Variants in CAMSAP1 observed in about 807,000 individuals in gnomAD.
CAMSAP1 encodes the protein calmodulin regulated spectrin associated protein 1, also known as calmodulin-regulated spectrin-associated protein 1.
A neutral mutation model predicts 143.5 loss-of-function variants in CAMSAP1; 58 were observed. The observed-to-expected ratio is 0.40, with a 90% confidence interval of 0.33 to 0.50. CAMSAP1 has a LOEUF of 0.50. Ranked by LOEUF, CAMSAP1 falls within the 20% of genes least tolerant of loss-of-function variation. The pLI is 0.45. For missense variants in CAMSAP1, 1,969 were observed against 2,115.7 expected, an observed-to-expected ratio of 0.93 and a Z score of 1.36; for synonymous variants, 945 against 859.3, an observed-to-expected ratio of 1.10 and a Z score of -1.74.
At chr9:135,878,456 A>G (rs183623783) in intron 3 of CAMSAP1, among the ~76,000 whole-genome samples, 161 of 152,350 alleles carry the variant, frequency 1.1e-3, no homozygotes, top group African/African-American at 3.5e-3. Context: ...CACAGCAGGC[A>G]TCTTGGAAAC....
chr9:135,891,645 A>G (rs745621906), intron 1 of CAMSAP1, among the ~76,000 whole-genome samples: 2 of 152,286 alleles, frequency 1.3e-5, no homozygotes, highest in East Asian at 1.9e-4. Context: ...ACAGAGCCCA[A>G]TGTTCACAGA....
chr9:135,812,830 G>A (rs1469120143), intron 16 of CAMSAP1, among the ~76,000 whole-genome samples: 2 of 152,078 alleles, frequency 1.3e-5, no homozygotes, highest in Non-Finnish European at 2.9e-5. Context: ...TTAGCCAGGC[G>A]TGGTGGCACA....
chr9:135,831,936 A>T (rs1357756906), intron 7 of CAMSAP1, among the ~76,000 whole-genome samples: 2 of 152,222 alleles, frequency 1.3e-5, no homozygotes, highest in African/African-American at 4.8e-5. Context: ...ATAAATAAAG[A>T]GATTGAAGCA....
Position 135,809,273 on chromosome 9 carries a change from T to C in CAMSAP1, c.*2036A>G, listed in dbSNP as rs1487107614. 6.6e-6 allele frequency: 1 copy of C among 152,226 alleles called. No individual in the cohort carries two copies. The highest frequency in any genetic ancestry group is 2.4e-5 in the African/African-American group (1 of 41,464). The allele number at this position is 152,226 out of a possible 1,614,324, so 9.4% of individuals were successfully genotyped here. On this transcript the variant is annotated 3_prime_UTR_variant, in exon 17 of 17. Coordinates refer to ENST00000389532, the MANE Select transcript of CAMSAP1 (RefSeq NM_015447.4). ...GCCTGGGGACTTGGGACATCAGGAATGTCCATGCCACATTAGTGCTTACTC... is the reference window on the plus strand; with the variant it reads ...GCCTGGGGACTTGGGACATCAGGAACGTCCATGCCACATTAGTGCTTACTC...
chr9:135,881,496 T>C, intron 3 of CAMSAP1, 137 bp downstream of exon 3: 4 of 1,020,570 alleles, frequency 3.9e-6, no homozygotes, highest in Middle Eastern at 3.2e-4. Flanking sequence ...AGCAGACACA[T>C]TTCTGGACAC....
At chr9:135,858,819 G>C (rs1468959027) in intron 5 of CAMSAP1, among the ~76,000 whole-genome samples, 11 of 152,214 alleles carry the variant, frequency 7.2e-5, no homozygotes, top group Non-Finnish European at 2.9e-5. Flanking sequence ...AAGTCCCAGA[G>C]TCTAAAACCC....
chr9:135,851,681 C>T (rs1018435192), intron 5 of CAMSAP1, among the ~76,000 whole-genome samples: 11 of 152,214 alleles, frequency 7.2e-5, no homozygotes, highest in Non-Finnish European at 1.6e-4. Context: ...TGGTATCAAG[C>T]TATGCCTCAT....
At chr9:135,816,646 C>T (rs955454756) in intron 14 of CAMSAP1, among the ~76,000 whole-genome samples, 1 of 152,138 alleles carries the variant, frequency 6.6e-6, no homozygotes, top group African/African-American at 2.4e-5. Context: ...ATCTGCAGTC[C>T]CTCGGAGGGA....
intron 3 of CAMSAP1, among the ~76,000 whole-genome samples, chr9:135,879,669 A>G (rs1465780220): frequency 6.6e-6 from 1 of 152,080 alleles, no homozygotes; most frequent in Non-Finnish European, 1.5e-5. Context: ...ATTTGGCCAA[A>G]AAAAAACAAG....
At chr9:135,881,543 A>C (rs980138107) in intron 3 of CAMSAP1, 90 bp downstream of exon 3, 2 of 1,410,830 alleles carry the variant, frequency 1.4e-6, no homozygotes, top group Non-Finnish European at 1.9e-6. Context: ...GCTGGGTCTC[A>C]GCGTGACAGA....
chr9:135,867,575 C>T (rs1030427610), intron 3 of CAMSAP1, among the ~76,000 whole-genome samples: 2 of 151,224 alleles, frequency 1.3e-5, no homozygotes, highest in African/African-American at 4.9e-5. Flanking sequence ...GGAGGAAAGT[C>T]GAAGCCACTA....
At chr9:135,904,618 C>T (rs1020354167) in intron 1 of CAMSAP1, among the ~76,000 whole-genome samples, 4 of 151,824 alleles carry the variant, frequency 2.6e-5, no homozygotes, top group South Asian at 4.1e-4. Context: ...TTTGTAATTA[C>T]ATATGCTCCC....
chr9:135,823,240 GGT>G lies in CAMSAP1; in HGVS notation c.1419_1420del (p.Pro474PhefsTer10). 1 of 1,554,354 alleles carries G rather than the reference GGT, an allele frequency of 6.4e-7. No homozygotes were observed. The highest frequency in any genetic ancestry group is 8.7e-7 in the Non-Finnish European group (1 of 1,149,202). On this transcript the variant is annotated frameshift_variant, in exon 11 of 17. Transcript: ENST00000389532. LOFTEE classifies it high-confidence loss of function. ...ACTCGCAGCGTGATGTAGAGCAAAA[GGT>G]GTTGGCTGGGACGCAGGCCTGAAAC...
chr9:135,902,255 T>C (rs1368706818), intron 1 of CAMSAP1, among the ~76,000 whole-genome samples: 2 of 152,226 alleles, frequency 1.3e-5, no homozygotes, highest in Admixed American at 6.5e-5. Flanking sequence ...CAAAGACGAT[T>C]TAAATATACA....
At chr9:135,875,392 G>C (rs1409418389) in intron 3 of CAMSAP1, among the ~76,000 whole-genome samples, 4 of 151,982 alleles carry the variant, frequency 2.6e-5, no homozygotes, top group Non-Finnish European at 5.9e-5. Context: ...TGTATTTTAA[G>C]TAGAGATGAG....
At chr9:135,895,598 A>G (rs374738046) in intron 1 of CAMSAP1, among the ~76,000 whole-genome samples, 1 of 152,256 alleles carries the variant, frequency 6.6e-6, no homozygotes, top group East Asian at 1.9e-4. Context: ...GCAAGAAAAT[A>G]AGGAATCTTG....
Position 135,850,439 on chromosome 9 carries a change from C to T in CAMSAP1, c.831G>A (p.Thr277=), listed in dbSNP as rs765186127. 7.4e-5 allele frequency: 118 copies of T among 1,596,024 alleles called. No individual in the cohort carries two copies. Among genetic ancestry groups the T allele is most frequent in the Non-Finnish European group, 9.6e-5 (113 of 1,174,670 alleles). Residue 277 remains threonine, a synonymous_variant, in exon 6 of 17, where the codon ACG becomes ACA. Coordinates refer to ENST00000389532, the MANE Select transcript of CAMSAP1 (RefSeq NM_015447.4). ...KLDDICLKEV[T]SMADSLYNIR... is the part of the protein sequence containing the mutation. ...TATTATACAGACTGTCGGCCATCGA[C>T]GTTACCTCCTTTAAGCATATATCTA...
chr9:135,880,936 G>C lies in CAMSAP1; in HGVS notation c.585+697C>G, dbSNP rs2183766. The stretch of plus-strand genomic sequence containing the variant: ...CTATGAGCTTCTAAATGTAAAAGGA[G>C]AAAACAGCATTTGGGAAAATGCCAT... On this transcript the variant is annotated intron_variant, in intron 3 of 16. Transcript: ENST00000389532. 3.3e-5 allele frequency among the ~76,000 whole-genome samples: 5 copies of C among 152,258 alleles called. 2 individuals carry two copies. In the South Asian group the frequency reaches 1.0e-3, roughly 32 times the overall value.
At chr9:135,856,948 G>A (rs1347795544) in intron 5 of CAMSAP1, among the ~76,000 whole-genome samples, 3 of 152,198 alleles carry the variant, frequency 2.0e-5, no homozygotes, top group South Asian at 2.1e-4. Flanking sequence ...GATGGTGTGC[G>A]TGCACACACT....
Sources: allele counts gnomAD v4.1 joint callset (sites outside exome capture counted in the v4.1 genomes callset), GRCh38; gene constraint gnomAD v4.1.1; transcripts MANE v1.5; gene names NCBI Gene and HGNC (gene_info 2026-07-23, HGNC 2026-07-21).